UNC79: variants seen among roughly 807,000 people sequenced by gnomAD.
UNC79 encodes the protein unc-79 subunit of NALCN channel complex, also known as protein unc-79 homolog.
Under a neutral mutation model 283.1 loss-of-function variants are expected in UNC79, and 37 were observed. That is an observed-to-expected ratio of 0.13 (90% CI 0.10 to 0.17). UNC79 has a LOEUF of 0.17. UNC79 is among the 10% of genes least tolerant of loss of function. UNC79 has a pLI of 1.00. For synonymous variants in UNC79, 1,107 were observed against 1,200.2 expected (o/e 0.92, Z 1.61); for missense variants, 2,272 against 3,211.1 (o/e 0.71, Z 7.07).
intron 1 of UNC79, among the ~76,000 whole-genome samples, chr14:93,342,860 CTT>C (rs1295073346): frequency 1.3e-5 from 2 of 152,240 alleles, no homozygotes; most frequent in African/African-American, 4.8e-5. Flanking sequence ...CTGCCAGTCT[CTT>C]TGCTAAGGCA....
intron 26 of UNC79, among the ~76,000 whole-genome samples, 168 bp from the exon 28 acceptor site, chr14:93,612,629 G>A (rs887879084): frequency 1.3e-5 from 2 of 152,100 alleles, no homozygotes; most frequent in African/African-American, 2.4e-5. Context: ...CTGGACTAGG[G>A]CTCTGCCTAC....
chr14:93,691,765 T>C, exon 46 of UNC79: 1 of 1,614,176 alleles, frequency 6.2e-7, no homozygotes, highest in Non-Finnish European at 8.5e-7. Context: ...GTGCTGCACA[T>C]GTGCTCCCTC....
chr14:93,643,666 C>T (rs1248403715), exon 34 of UNC79: 1 of 1,613,010 alleles, frequency 6.2e-7, no homozygotes, highest in Non-Finnish European at 8.5e-7. Context: ...GGCAGCCCCG[C>T]TGCTGCTGGA....
intron 14 of UNC79, among the ~76,000 whole-genome samples, chr14:93,563,689 G>A (rs192464057): frequency 6.6e-6 from 1 of 152,236 alleles, no homozygotes; most frequent in Admixed American, 6.5e-5. Context: ...TGTGATCAGG[G>A]TGAGGAACAG....
chr14:93,422,937 C>T (rs777747195), intron 1 of UNC79, among the ~76,000 whole-genome samples: 1 of 151,538 alleles, frequency 6.6e-6, no homozygotes, highest in Non-Finnish European at 1.5e-5. Context: ...ATGGTGGGCA[C>T]CTGTAGTCCC....
chr14:93,674,528 A>G (rs1383075511), intron 41 of UNC79, among the ~76,000 whole-genome samples: 3 of 152,220 alleles, frequency 2.0e-5, no homozygotes, highest in Non-Finnish European at 4.4e-5. Flanking sequence ...GTGTCATTCA[A>G]TGGCCTTTGG....
intron 7 of UNC79, among the ~76,000 whole-genome samples, chr14:93,503,018 G>T (rs1309172368): frequency 3.3e-5 from 5 of 152,098 alleles, no homozygotes; most frequent in Non-Finnish European, 7.4e-5. Context: ...CCTGTGCCTT[G>T]TGTACATGCA....
At chr14:93,396,838 A>C (rs1436551327) in intron 1 of UNC79, among the ~76,000 whole-genome samples, 1 of 146,586 alleles carries the variant, frequency 6.8e-6, no homozygotes, top group Admixed American at 7.0e-5. Flanking sequence ...TCAGCCAAGC[A>C]ACTGACAGCT....
chr14:93,570,560 G>T (rs111892824), intron 14 of UNC79, among the ~76,000 whole-genome samples: 117 of 152,346 alleles, frequency 7.7e-4, no homozygotes, highest in Non-Finnish European at 1.4e-3. Flanking sequence ...CAGGAGGAAG[G>T]TGGTGAAGGG....
chr14:93,333,911 C>A (rs2053515270), intron 1 of UNC79, among the ~76,000 whole-genome samples: 1 of 152,224 alleles, frequency 6.6e-6, no homozygotes, highest in African/African-American at 2.4e-5. Flanking sequence ...AAGCCAAGAT[C>A]AGAACCCAGG....
intron 10 of UNC79, 25 bp from the exon 11 acceptor site, chr14:93,532,525 T>C: frequency 6.2e-7 from 1 of 1,604,892 alleles, no homozygotes; most frequent in Non-Finnish European, 8.5e-7. Context: ...TCTTTGTTGA[T>C]ATTTTGTGTG....
chr14:93,425,113 T>C (rs2055695674), intron 1 of UNC79, among the ~76,000 whole-genome samples: 1 of 152,176 alleles, frequency 6.6e-6, no homozygotes, highest in Non-Finnish European at 1.5e-5. Flanking sequence ...AGAGGTTTAA[T>C]TGACTCACAG....
At chr14:93,410,493 G>A (rs1458309018) in intron 1 of UNC79, among the ~76,000 whole-genome samples, 12 of 152,178 alleles carry the variant, frequency 7.9e-5, no homozygotes, top group Non-Finnish European at 2.9e-5. Flanking sequence ...CTAGGGGAGT[G>A]CTTGTGCCAC....
chr14:93,521,825 T>C (rs2060333905), intron 7 of UNC79, among the ~76,000 whole-genome samples: 2 of 148,598 alleles, frequency 1.3e-5, no homozygotes, highest in South Asian at 4.4e-4. Flanking sequence ...AGATAAGGTA[T>C]GCTGATTGTC....
intron 1 of UNC79, chr14:93,348,147 A>G (rs58621064): frequency 0.1 from 142,198 of 1,399,910 alleles, 8,490 homozygotes; most frequent in African/African-American, 0.24. Flanking sequence ...AACAGCTGTT[A>G]ACGTCCAAAA....
At chr14:93,662,081 G>C (rs766871887) in intron 39 of UNC79, among the ~76,000 whole-genome samples, 60 of 152,184 alleles carry the variant, frequency 3.9e-4, no homozygotes, top group Non-Finnish European at 7.1e-4. Context: ...GTAGGATTCA[G>C]GGGGAGAAAC....
rs765644370 is a variant in UNC79 at position 93,600,694 on chromosome 14, T to C, written c.3498T>C (p.Phe1166=). ...TTCCTGCTCTGAGCTGGGAGTTCTT[T>C]GTCAATAGATTTGAGACGCTTTCTT... The change falls in exon 25 of 49, where the codon TTT becomes TTC. Residue 1166 remains phenylalanine (F), a synonymous_variant. Coordinates refer to ENST00000555664, the Ensembl canonical transcript of UNC79. The C allele has an allele frequency of 4.3e-6, 7 of 1,613,874 alleles. No homozygotes were observed. In the Admixed American group the frequency reaches 5.0e-5, roughly 12 times the overall value.
chr14:93,516,449 TTG>T (rs1491203408), intron 7 of UNC79, among the ~76,000 whole-genome samples: 9 of 23,864 alleles, frequency 3.8e-4, no homozygotes, highest in East Asian at 3.5e-3. Flanking sequence ...GATATTTTTT[TTG>T]GGGGGGGGGG....
At chr14:93,444,148 G>A (rs1421585086) in intron 1 of UNC79, among the ~76,000 whole-genome samples, 2 of 152,134 alleles carry the variant, frequency 1.3e-5, no homozygotes, top group Non-Finnish European at 2.9e-5. Context: ...TTTCTAGTTG[G>A]TGTGCAGTGG....
Sources: allele counts gnomAD v4.1 joint callset (sites outside exome capture counted in the v4.1 genomes callset), GRCh38; gene constraint gnomAD v4.1.1; transcripts MANE v1.5; gene names NCBI Gene and HGNC (gene_info 2026-07-23, HGNC 2026-07-21).